The following CDH18 variants were observed in gnomAD, a reference collection of about 807,000 sequenced individuals.
CDH18 encodes the protein cadherin 18.
In CDH18, 31 loss-of-function variants were observed where a neutral mutation model predicts 67.9. That is an observed-to-expected ratio of 0.46 (90% CI 0.34 to 0.62). The LOEUF (loss-of-function observed/expected upper bound fraction) is 0.62, where lower values mean the gene tolerates loss of function less well. Ranked by LOEUF, CDH18 falls within the 20% of genes least tolerant of loss-of-function variation. The probability of loss-of-function intolerance (pLI) is 0.01; values close to 1 mark genes in which losing one functional copy is unlikely to be tolerated. For synonymous variants in CDH18, 362 were observed against 347.2 expected (o/e 1.04, Z -0.48); for missense variants, 890 against 975.5 (o/e 0.91, Z 1.17).
intron 5 of CDH18, among the ~76,000 whole-genome samples, chr5:19,638,609 GGTGGT>G (rs1381230127): frequency 1.3e-5 from 2 of 150,948 alleles, no homozygotes; most frequent in Admixed American, 1.3e-4. Context: ...ATGAGCATGA[GGTGGT>G]ATCAGCAAGT....
intron 2 of CDH18, among the ~76,000 whole-genome samples, chr5:20,057,155 A>G (rs1017239027): frequency 3.9e-5 from 6 of 152,200 alleles, no homozygotes; most frequent in Non-Finnish European, 7.4e-5. Context: ...AATTATGTCA[A>G]TCAGGCAATA....
chr5:20,049,437 T>C (rs1272780436), intron 2 of CDH18, among the ~76,000 whole-genome samples: 1 of 60,044 alleles, frequency 1.7e-5, no homozygotes, highest in Non-Finnish European at 7.3e-5. Context: ...AAATAATCTA[T>C]ACAACAAACC....
chr5:19,788,156 C>A (rs534859998), intron 3 of CDH18, among the ~76,000 whole-genome samples: 77 of 152,042 alleles, frequency 5.1e-4, no homozygotes, highest in Non-Finnish European at 7.9e-4. Context: ...TTGTTATTTG[C>A]AAATCCTCAA....
intron 7 of CDH18, among the ~76,000 whole-genome samples, chr5:19,583,871 C>A (rs2149995126): frequency 6.6e-6 from 1 of 152,256 alleles, no homozygotes; most frequent in South Asian, 2.1e-4. Flanking sequence ...TATCTTCAAG[C>A]ATCCTTTGTT....
intron 1 of CDH18, among the ~76,000 whole-genome samples, chr5:20,279,072 T>C (rs1746023741): frequency 6.6e-6 from 1 of 152,044 alleles, no homozygotes; most frequent in African/African-American, 2.4e-5. Context: ...ACATTGAATG[T>C]AAATGGGCTA....
chr5:19,522,494 A>G (rs2054182333), intron 9 of CDH18, among the ~76,000 whole-genome samples: 2 of 152,184 alleles, frequency 1.3e-5, no homozygotes, highest in South Asian at 4.1e-4. Context: ...GGTATTTCCA[A>G]TGTAATCTAA....
chr5:20,565,295 G>A (rs1758437362), intron 1 of CDH18, among the ~76,000 whole-genome samples: 1 of 152,066 alleles, frequency 6.6e-6, no homozygotes, highest in Non-Finnish European at 1.5e-5. Flanking sequence ...TGTTGTTGTT[G>A]TTGTTGTATA....
intron 2 of CDH18, among the ~76,000 whole-genome samples, chr5:20,194,098 T>C (rs1738765931): frequency 6.6e-6 from 1 of 152,044 alleles, no homozygotes; most frequent in African/African-American, 2.4e-5. Flanking sequence ...CTATTCATAG[T>C]ATTGGAAGTT....
At chr5:20,325,704 T>A (rs1738504629) in intron 1 of CDH18, among the ~76,000 whole-genome samples, 1 of 152,194 alleles carries the variant, frequency 6.6e-6, no homozygotes, top group East Asian at 1.9e-4. Flanking sequence ...TCAACTCAAT[T>A]TTCTAGCTGA....
At chr5:19,638,362 C>G (rs1753467864) in intron 5 of CDH18, among the ~76,000 whole-genome samples, 1 of 152,060 alleles carries the variant, frequency 6.6e-6, no homozygotes, top group Non-Finnish European at 1.5e-5. Context: ...AAGTGCATAC[C>G]ATCTAATAGA....
intron 1 of CDH18, among the ~76,000 whole-genome samples, chr5:20,366,285 C>G (rs1742511223): frequency 6.6e-6 from 1 of 152,054 alleles, no homozygotes; most frequent in African/African-American, 2.4e-5. Context: ...CTTGCTTACT[C>G]ACCACCACCA....
At chr5:20,492,986 T>C (rs952829115) in intron 1 of CDH18, among the ~76,000 whole-genome samples, 50 of 152,146 alleles carry the variant, frequency 3.3e-4, no homozygotes, top group African/African-American at 1.2e-3. Flanking sequence ...TAGTAGATGA[T>C]AAAGAGTTAA....
chr5:19,794,281 T>G (rs1436247115), intron 3 of CDH18, among the ~76,000 whole-genome samples: 1 of 152,092 alleles, frequency 6.6e-6, no homozygotes, highest in African/African-American at 2.4e-5. Flanking sequence ...TATATCAGTA[T>G]TTGGGATTAG....
At chr5:19,931,930 T>C (rs1793739742) in intron 2 of CDH18, among the ~76,000 whole-genome samples, 1 of 151,610 alleles carries the variant, frequency 6.6e-6, no homozygotes, top group East Asian at 2.0e-4. Context: ...TTTCCTCCCA[T>C]TGTTCCCTCT....
intron 3 of CDH18, among the ~76,000 whole-genome samples, chr5:19,825,412 G>C (rs559131191): frequency 5.7e-4 from 86 of 152,166 alleles, no homozygotes; most frequent in African/African-American, 2.0e-3. Flanking sequence ...ACACCCACTA[G>C]AGCTTCCAGC....
chr5:20,392,991 T>C (rs566452252), intron 1 of CDH18, among the ~76,000 whole-genome samples: 8 of 152,004 alleles, frequency 5.3e-5, no homozygotes, highest in African/African-American at 1.4e-4. Context: ...TGATATTTAG[T>C]ATTTCTATCA....
intron 8 of CDH18, among the ~76,000 whole-genome samples, chr5:19,559,540 C>T (rs1164529223): frequency 6.6e-6 from 1 of 151,960 alleles, no homozygotes; most frequent in African/African-American, 2.4e-5. Flanking sequence ...GTAATAAAAG[C>T]CATCTATGAC....
At chr5:19,576,402 T>C (rs1404877444) in intron 7 of CDH18, among the ~76,000 whole-genome samples, 1 of 147,094 alleles carries the variant, frequency 6.8e-6, no homozygotes, top group Non-Finnish European at 1.5e-5. Context: ...AAAAAAAAAA[T>C]ACAAATCACT....
chr5:20,127,546 A>G (rs1748935250), intron 2 of CDH18, among the ~76,000 whole-genome samples: 1 of 152,160 alleles, frequency 6.6e-6, no homozygotes, highest in African/African-American at 2.4e-5. Flanking sequence ...ATATGGGACA[A>G]CATGGAAGAA....
Sources: allele counts gnomAD v4.1 joint callset (sites outside exome capture counted in the v4.1 genomes callset), GRCh38; gene constraint gnomAD v4.1.1; transcripts MANE v1.5; gene names NCBI Gene and HGNC (gene_info 2026-07-23, HGNC 2026-07-21).